The following EDA variants were observed in gnomAD, a reference collection of about 807,000 sequenced individuals.
EDA encodes ectodysplasin A.
Under a neutral mutation model 23.6 loss-of-function variants are expected in EDA, and 2 were observed. The observed-to-expected ratio is 0.08, with a 90% CI of 0.03 to 0.27. The LOEUF is 0.27. EDA is among the 10% of genes least tolerant of loss of function. EDA has a pLI of 1.00. For synonymous variants in EDA, 131 were observed against 132.0 expected, an observed-to-expected ratio of 0.99 and a Z score of 0.05; for missense variants, 229 against 324.2, an observed-to-expected ratio of 0.71 and a Z score of 2.26.
chrX:69,635,974 C>T (rs747068346), intron 1 of EDA, among the ~76,000 whole-genome samples: 6 of 110,176 alleles, frequency 5.4e-5, no homozygotes, highest in Admixed American at 9.8e-5. Context: ...CTATTCTTTG[C>T]CAGGTCTGAA....
chrX:69,962,924 T>C (rs745553503), intron 2 of EDA, among the ~76,000 whole-genome samples: 3 of 111,374 alleles, frequency 2.7e-5, no homozygotes, highest in Non-Finnish European at 5.6e-5. Context: ...TCCAAGCCCA[T>C]AGGAAGAAGA....
intron 1 of EDA, among the ~76,000 whole-genome samples, chrX:69,777,872 G>A (rs1234055896): frequency 8.9e-6 from 1 of 112,038 alleles, no homozygotes; most frequent in African/African-American, 3.2e-5. Context: ...AAATGCATGT[G>A]GATGTTGAAT....
intron 1 of EDA, chrX:69,938,107 A>G: frequency 2.3e-6 from 2 of 878,653 alleles, no homozygotes; most frequent in South Asian, 5.0e-5. Flanking sequence ...TCCTTTATTT[A>G]TGTACTTGTG....
chrX:69,711,253 C>G (rs1212486402), intron 1 of EDA, among the ~76,000 whole-genome samples: 1 of 110,987 alleles, frequency 9.0e-6, no homozygotes, highest in African/African-American at 3.3e-5. Flanking sequence ...GAGATAATCA[C>G]GTGGTTTTTG....
Position 69,616,173 on chromosome X carries a change from A to G in EDA, c.-136A>G, listed in dbSNP as rs1384796003. ...GGCTGCTCCCTGCTCCGTCCCGCCC[A>G]GCCACTGTCGCGCAGGAACGGGTCC... is the stretch of plus-strand genomic sequence containing the variant. On this transcript the variant is annotated 5_prime_UTR_variant, in exon 1 of 8. Coordinates refer to ENST00000374552, the MANE Select transcript of EDA (RefSeq NM_001399.5). 9 of 601,350 alleles carry G rather than the reference A, an allele frequency of 1.5e-5. No homozygotes were observed. Among genetic ancestry groups the G allele is most frequent in the Non-Finnish European group, 2.1e-5 (9 of 427,725 alleles). The allele number at this position is 601,350 out of a possible 1,213,427, so 49.6% of individuals were successfully genotyped here. A position where few individuals can be genotyped will look rare whatever the true frequency, so the allele number is the denominator to read the frequency against.
chrX:69,912,288 A>T (rs1172723958), intron 1 of EDA, among the ~76,000 whole-genome samples: 1 of 111,119 alleles, frequency 9.0e-6, no homozygotes, highest in Non-Finnish European at 1.9e-5. Context: ...GTTAGACGCA[A>T]CTTCTTCTAA....
intron 1 of EDA, among the ~76,000 whole-genome samples, chrX:69,933,962 G>A (rs897213966): frequency 1.2e-4 from 13 of 112,736 alleles, no homozygotes; most frequent in Non-Finnish European, 2.2e-4. Context: ...TTGCTGATGA[G>A]ATGACCAAGC....
chrX:69,683,226 TTCTC>T (rs1934436342), intron 1 of EDA, among the ~76,000 whole-genome samples: 1 of 111,609 alleles, frequency 9.0e-6, no homozygotes, highest in Non-Finnish European at 1.9e-5. Context: ...TATTGTCTCT[TTCTC>T]TCCCCACTGT....
At chrX:69,677,136 T>A (rs1404644309) in intron 1 of EDA, among the ~76,000 whole-genome samples, 2 of 103,195 alleles carry the variant, frequency 1.9e-5, no homozygotes, top group Non-Finnish European at 4.0e-5. Context: ...ATTTCATCCA[T>A]GTCCCTACAA....
chrX:69,951,104 A>G (rs1286971327), intron 1 of EDA, among the ~76,000 whole-genome samples: 4 of 70,657 alleles, frequency 5.7e-5, no homozygotes, highest in African/African-American at 1.8e-4. Context: ...TAATAAATAA[A>G]AAAAGAAAAA....
intron 1 of EDA, among the ~76,000 whole-genome samples, chrX:69,852,165 T>C (rs2017151355): frequency 8.9e-6 from 1 of 111,784 alleles, no homozygotes; most frequent in African/African-American, 3.3e-5. Flanking sequence ...GTTTCCCTCT[T>C]GTTGCCCAGG....
intron 1 of EDA, among the ~76,000 whole-genome samples, chrX:69,800,084 G>C (rs908915268): frequency 1.8e-5 from 2 of 111,442 alleles, no homozygotes; most frequent in African/African-American, 6.5e-5. Flanking sequence ...TGAAACTGGA[G>C]GTCATTATGT....
intron 1 of EDA, among the ~76,000 whole-genome samples, chrX:69,703,530 C>T (rs1242098034): frequency 8.9e-6 from 1 of 112,349 alleles, no homozygotes; most frequent in Non-Finnish European, 1.9e-5. Flanking sequence ...TTTTAATGAG[C>T]GCCTGGGTGC....
chrX:69,933,153 TTAAC>T (rs1329657491), intron 1 of EDA, among the ~76,000 whole-genome samples: 1 of 111,784 alleles, frequency 8.9e-6, no homozygotes, highest in Non-Finnish European at 1.9e-5. Context: ...ACATTTATAA[TTAAC>T]TATCTCTATA....
chrX:69,784,723 T>C (rs1251784240), intron 1 of EDA, among the ~76,000 whole-genome samples: 10 of 101,801 alleles, frequency 9.8e-5, no homozygotes, highest in African/African-American at 2.2e-4. Context: ...AGTCAGGTAG[T>C]GTGATGCCTC....
rs764592863 is a variant in EDA, at chrX:69,668,587, T to A, written c.396+51883T>A. Among the ~76,000 whole-genome samples the A allele has an allele frequency of 1.1e-4, 12 of 111,390 alleles. No homozygotes were observed. The East Asian group carries it at 2.8e-3, about 26-fold the overall frequency. Reference sequence around the variant, plus strand: ...GTGAGATACTGAAGTTCCCTACTATTTTTTTTGGAGATGGAGTCTCACCCT... The same window carrying A: ...GTGAGATACTGAAGTTCCCTACTATATTTTTTGGAGATGGAGTCTCACCCT... On this transcript the variant is annotated intron_variant, in intron 1 of 7. Transcript: ENST00000374552.
intron 1 of EDA, among the ~76,000 whole-genome samples, chrX:69,848,106 T>C (rs1427992668): frequency 8.9e-6 from 1 of 112,370 alleles, no homozygotes. Context: ...GTATGGATCA[T>C]CTTTTCATAT....
intron 1 of EDA, among the ~76,000 whole-genome samples, chrX:69,904,114 T>A (rs1569369089): frequency 9.0e-6 from 1 of 111,606 alleles, no homozygotes; most frequent in African/African-American, 3.3e-5. Context: ...CCCGGCCACA[T>A]GTGGTATTTT....
chrX:69,802,257 G>A (rs750144412), intron 1 of EDA, among the ~76,000 whole-genome samples: 1 of 109,420 alleles, frequency 9.1e-6, no homozygotes, highest in South Asian at 3.8e-4. Flanking sequence ...AACAAGTGTA[G>A]AAGAATATGT....
Sources: gnomAD v4.1 joint callset for allele counts (sites outside exome capture counted in the v4.1 genomes callset) on GRCh38, gnomAD v4.1.1 for gene constraint, MANE v1.5 for transcripts, NCBI Gene and HGNC (gene_info 2026-07-23, HGNC 2026-07-21) for gene names.